Variants in NKAIN2 observed in about 807,000 individuals in gnomAD.
NKAIN2 encodes sodium/potassium transporting ATPase interacting 2.
NKAIN2 carries 14 observed loss-of-function variants against 32.6 expected under a neutral mutation model. The observed-to-expected ratio is 0.43, with a 90% CI of 0.28 to 0.67. The LOEUF (loss-of-function observed/expected upper bound fraction) is 0.67, where lower values mean the gene tolerates loss of function less well. NKAIN2 is among the 30% of genes least tolerant of loss of function. The pLI is 0.17. For synonymous variants in NKAIN2, 80 were observed against 87.2 expected, an observed-to-expected ratio of 0.92 and a Z score of 0.46; for missense variants, 198 against 258.3, an observed-to-expected ratio of 0.77 and a Z score of 1.60.
chr6:124,436,302 C>A (rs1165903228), intron 3 of NKAIN2, among the ~76,000 whole-genome samples: 1 of 152,160 alleles, frequency 6.6e-6, no homozygotes, highest in Non-Finnish European at 1.5e-5. Context: ...ATGCCTTTCT[C>A]AGCTCCTTCC....
intron 1 of NKAIN2, among the ~76,000 whole-genome samples, chr6:124,192,741 GTTTTTTTT>G (rs1205303294): frequency 5.2e-5 from 4 of 77,186 alleles, no homozygotes; most frequent in Non-Finnish European, 1.0e-4. Flanking sequence ...AGTTCCATCC[GTTTTTTTT>G]TTTTTTTTTT....
chr6:124,683,095 C>T (rs1773698426), intron 4 of NKAIN2, among the ~76,000 whole-genome samples: 1 of 152,184 alleles, frequency 6.6e-6, no homozygotes, highest in African/African-American at 2.4e-5. Context: ...TGTCCTCAAA[C>T]ACATTTGTAA....
At chr6:124,231,393 G>A (rs1792454738) in intron 1 of NKAIN2, among the ~76,000 whole-genome samples, 1 of 152,176 alleles carries the variant, frequency 6.6e-6, no homozygotes, top group Non-Finnish European at 1.5e-5. Context: ...AAGACTTTGG[G>A]GGACTGTTGA....
chr6:124,060,058 T>C (rs1222107324), intron 1 of NKAIN2, among the ~76,000 whole-genome samples: 1 of 152,182 alleles, frequency 6.6e-6, no homozygotes, highest in Non-Finnish European at 1.5e-5. Flanking sequence ...TCTTTTAAAC[T>C]GTATTTCTTT....
chr6:124,414,386 A>C (rs527676177), intron 3 of NKAIN2, among the ~76,000 whole-genome samples: 1 of 152,242 alleles, frequency 6.6e-6, no homozygotes, highest in East Asian at 1.9e-4. Flanking sequence ...CATCTTATAT[A>C]ATGTTGGATT....
chr6:124,225,264 T>C (rs1030347279), intron 1 of NKAIN2, among the ~76,000 whole-genome samples: 3 of 152,102 alleles, frequency 2.0e-5, no homozygotes, highest in Admixed American at 6.6e-5. Context: ...AAGGATAGTA[T>C]AAAATTGTAG....
chr6:124,233,577 C>T (rs2114744187), intron 1 of NKAIN2, among the ~76,000 whole-genome samples: 1 of 152,296 alleles, frequency 6.6e-6, no homozygotes, highest in Non-Finnish European at 1.5e-5. Context: ...TTCACTCTCA[C>T]ATTTAAGAAA....
chr6:124,621,759 A>C (rs2114258413), intron 3 of NKAIN2, among the ~76,000 whole-genome samples: 1 of 152,276 alleles, frequency 6.6e-6, no homozygotes. Flanking sequence ...AAATTTAACT[A>C]TCTCTAAATA....
At position 124,823,166 on chromosome 6, in the gene NKAIN2, A is replaced by C. The variant is rs557276031; in HGVS notation, c.618-54A>C. On this transcript the variant is annotated intron_variant, in intron 6 of 6. Coordinates refer to ENST00000368417, the MANE Select transcript of NKAIN2 (RefSeq NM_001040214.3). The stretch of plus-strand genomic sequence containing the variant: ...GGAAAGGTGAGAAAAGGTGGTGAGC[A>C]GCAGGCACCTGTCACTTTCCCCCTT... 17 of 1,279,052 alleles carry C rather than the reference A, an allele frequency of 1.3e-5. No individual in the cohort carries two copies. In the Middle Eastern group the frequency reaches 5.4e-4, roughly 41 times the overall value. 79.2% of individuals were successfully genotyped at this position (1,279,052 alleles called of 1,614,324 possible). A position where few individuals can be genotyped will look rare whatever the true frequency, so the allele number is the denominator to read the frequency against.
chr6:123,820,640 C>T (rs1248814332), intron 1 of NKAIN2, among the ~76,000 whole-genome samples: 2 of 152,108 alleles, frequency 1.3e-5, no homozygotes, highest in African/African-American at 4.8e-5. Flanking sequence ...CTCTCCTTGC[C>T]AGCCATTCTG....
chr6:124,558,370 G>T (rs568088495), intron 3 of NKAIN2, among the ~76,000 whole-genome samples: 8 of 152,112 alleles, frequency 5.3e-5, no homozygotes, highest in Admixed American at 4.6e-4. Context: ...ATAGATTCTA[G>T]GTTAGTCAGT....
intron 1 of NKAIN2, among the ~76,000 whole-genome samples, chr6:124,277,783 A>G (rs2114902859): frequency 6.6e-6 from 1 of 152,196 alleles, no homozygotes; most frequent in South Asian, 2.1e-4. Context: ...AGGTACAGAG[A>G]GGAGAACAGG....
intron 3 of NKAIN2, among the ~76,000 whole-genome samples, chr6:124,579,454 A>G (rs1030945047): frequency 1.3e-5 from 2 of 152,252 alleles, no homozygotes; most frequent in Non-Finnish European, 2.9e-5. Context: ...AAAAATGCAT[A>G]CTGAAGAATG....
chr6:124,556,556 T>A (rs1780483248), intron 3 of NKAIN2, among the ~76,000 whole-genome samples: 2 of 152,192 alleles, frequency 1.3e-5, no homozygotes. Context: ...CACCATTGGA[T>A]GATGCTCACT....
intron 4 of NKAIN2, among the ~76,000 whole-genome samples, chr6:124,740,489 GA>G (rs1024204959): frequency 7.3e-5 from 10 of 137,056 alleles, no homozygotes; most frequent in Non-Finnish European, 1.3e-4. Context: ...TAGGTGCTAT[GA>G]AAAAAAAACT....
chr6:124,011,004 CT>C (rs572570470), intron 1 of NKAIN2, among the ~76,000 whole-genome samples: 7 of 152,132 alleles, frequency 4.6e-5, no homozygotes, highest in African/African-American at 1.4e-4. Flanking sequence ...ACTATCTCCA[CT>C]TTTTTTTCTT....
At chr6:124,486,790 G>T (rs1439177952) in intron 3 of NKAIN2, among the ~76,000 whole-genome samples, 1 of 151,874 alleles carries the variant, frequency 6.6e-6, no homozygotes, top group African/African-American at 2.4e-5. Context: ...GAACCCATTA[G>T]GGTGCCTCAC....
intron 4 of NKAIN2, among the ~76,000 whole-genome samples, chr6:124,771,536 G>A (rs981621939): frequency 1.8e-4 from 28 of 152,186 alleles, no homozygotes; most frequent in African/African-American, 6.5e-4. Context: ...ATTGTAAGAC[G>A]ATATTTTGCT....
rs76440865 is a variant in NKAIN2, at chr6:124,020,189, T to C, written c.54+215935T>C. Among the ~76,000 whole-genome samples the C allele has an allele frequency of 4.1e-4, 62 of 152,232 alleles. 2 individuals are homozygous for C. The East Asian group carries it at 0.011, about 28-fold the overall frequency. On this transcript the variant is annotated intron_variant, in intron 1 of 6. Transcript: ENST00000368417. ...TCTGTACCTGTGCCATCTATGCTTG[T>C]TCTTTGTATTTCCAAAAGCCAATGT...
Sources: allele counts gnomAD v4.1 joint callset (sites outside exome capture counted in the v4.1 genomes callset), GRCh38; gene constraint gnomAD v4.1.1; transcripts MANE v1.5; gene names NCBI Gene and HGNC (gene_info 2026-07-23, HGNC 2026-07-21).